The following KLHL18 variants were observed in gnomAD, a reference collection of about 807,000 sequenced individuals.
The protein encoded by KLHL18 is kelch like family member 18, also known as kelch-like protein 18.
In KLHL18, 38 loss-of-function variants were observed where a neutral mutation model predicts 58.5. That is an observed-to-expected ratio of 0.65 (90% CI 0.50 to 0.85). KLHL18 has a LOEUF of 0.85. KLHL18 is among the 40% of genes least tolerant of loss of function. KLHL18 has a pLI of 0.00. For missense variants in KLHL18, 624 were observed against 778.4 expected, an observed-to-expected ratio of 0.80 and a Z score of 2.36; for synonymous variants, 303 against 301.9, an observed-to-expected ratio of 1.00 and a Z score of -0.04.
intron 1 of KLHL18, among the ~76,000 whole-genome samples, chr3:47,311,813 AC>A (rs377653454): frequency 6.6e-6 from 1 of 152,330 alleles, no homozygotes; most frequent in East Asian, 1.9e-4. Context: ...CTTTTAATTT[AC>A]CAAACAAAGC....
At chr3:47,288,711 A>T (rs1047612087) in intron 1 of KLHL18, among the ~76,000 whole-genome samples, 4 of 152,224 alleles carry the variant, frequency 2.6e-5, no homozygotes, top group Non-Finnish European at 5.9e-5. Context: ...ATTTAAAAAA[A>T]ATCACATTCT....
chr3:47,329,234 G>GT (rs1395272803), intron 3 of KLHL18, among the ~76,000 whole-genome samples: 1 of 151,460 alleles, frequency 6.6e-6, no homozygotes, highest in Non-Finnish European at 1.5e-5. Context: ...TTTGTTTTTT[G>GT]TTTTTTGTTT....
intron 9 of KLHL18, 41 bp from the exon 10 acceptor site, chr3:47,343,514 C>A (rs756827899): frequency 4.3e-5 from 69 of 1,609,888 alleles, no homozygotes. Flanking sequence ...CTGAGCTTTG[C>A]CTCTGACTGT....
chr3:47,289,949 G>C (rs1702756807), intron 1 of KLHL18, among the ~76,000 whole-genome samples: 1 of 152,138 alleles, frequency 6.6e-6, no homozygotes, highest in African/African-American at 2.4e-5. Flanking sequence ...TAAAAGCCCA[G>C]ACTTCACCAC....
At chr3:47,318,704 A>G (rs1409603313) in intron 1 of KLHL18, among the ~76,000 whole-genome samples, 3 of 152,246 alleles carry the variant, frequency 2.0e-5, no homozygotes, top group Admixed American at 6.5e-5. Context: ...CGGGCAAGGA[A>G]TCAAGAAAAC....
At chr3:47,283,855 G>A (rs541735125) in intron 1 of KLHL18, among the ~76,000 whole-genome samples, 1 of 152,372 alleles carries the variant, frequency 6.6e-6, no homozygotes, top group African/African-American at 2.4e-5. Context: ...ACCGAACCAT[G>A]TGGAGACGTC....
At chr3:47,296,409 T>C (rs2107586972) in intron 1 of KLHL18, among the ~76,000 whole-genome samples, 1 of 152,354 alleles carries the variant, frequency 6.6e-6, no homozygotes, top group Middle Eastern at 3.4e-3. Flanking sequence ...TAAGTGCATT[T>C]ACCTGTGCTT....
chr3:47,336,387 A>G, intron 6 of KLHL18, 148 bp from the exon 7 acceptor site: 1 of 685,474 alleles, frequency 1.5e-6, no homozygotes. Flanking sequence ...CATGGCTGAA[A>G]TTTCTTAGTG....
chr3:47,289,698 G>T (rs1702750582), intron 1 of KLHL18, among the ~76,000 whole-genome samples: 1 of 152,190 alleles, frequency 6.6e-6, no homozygotes, highest in Non-Finnish European at 1.5e-5. Context: ...TGGGAGGATT[G>T]CTTGAGCCCA....
At chr3:47,298,353 T>TTAA (rs1553629791) in intron 1 of KLHL18, among the ~76,000 whole-genome samples, 4 of 118,520 alleles carry the variant, frequency 3.4e-5, no homozygotes, top group Admixed American at 2.7e-4. Flanking sequence ...ATCCTGTCTC[T>TTAA]AAAAAAAAAA....
chr3:47,335,469 T>C (rs1363859394), intron 6 of KLHL18, among the ~76,000 whole-genome samples: 1 of 152,186 alleles, frequency 6.6e-6, no homozygotes, highest in East Asian at 1.9e-4. Flanking sequence ...TTGGGGGCAG[T>C]TGGTGGGCAC....
chr3:47,295,911 C>G (rs147910286), intron 1 of KLHL18, among the ~76,000 whole-genome samples: 1 of 152,290 alleles, frequency 6.6e-6, no homozygotes, highest in Non-Finnish European at 1.5e-5. Context: ...TGCCCTCTTT[C>G]TTGTGCTCTG....
chr3:47,305,986 A>G (rs747524650), intron 1 of KLHL18, among the ~76,000 whole-genome samples: 8 of 151,824 alleles, frequency 5.3e-5, no homozygotes, highest in Non-Finnish European at 1.0e-4. Context: ...GTCTTTGTCA[A>G]TTTTATCAAT....
At chr3:47,333,469 A>G (rs1703915179) in intron 5 of KLHL18, 152 bp downstream of exon 5, 1 of 755,020 alleles carries the variant, frequency 1.3e-6, no homozygotes, top group East Asian at 2.8e-5. Flanking sequence ...TAGAAGCTGG[A>G]ACAGGAAGTG....
chr3:47,317,648 T>C (rs537235553), intron 1 of KLHL18, among the ~76,000 whole-genome samples: 2 of 152,132 alleles, frequency 1.3e-5, no homozygotes, highest in Non-Finnish European at 2.9e-5. Flanking sequence ...AAAGGAAATA[T>C]ATACTGACAG....
intron 1 of KLHL18, among the ~76,000 whole-genome samples, chr3:47,310,396 T>C (rs1411813822): frequency 6.6e-6 from 1 of 152,234 alleles, no homozygotes; most frequent in African/African-American, 2.4e-5. Context: ...GTGTCTTCTT[T>C]GCTGATAGAT....
chr3:47,285,830 T>C (rs1324241461), intron 1 of KLHL18, among the ~76,000 whole-genome samples: 1 of 152,132 alleles, frequency 6.6e-6, no homozygotes, highest in African/African-American at 2.4e-5. Flanking sequence ...GTGGATTGCA[T>C]TGAACTCAGG....
At chr3:47,283,662 C>G (rs1702551184) in intron 1 of KLHL18, among the ~76,000 whole-genome samples, 1 of 152,094 alleles carries the variant, frequency 6.6e-6, no homozygotes, top group Non-Finnish European at 1.5e-5. Context: ...CTCACCACCA[C>G]AAAGGTCCCC....
intron 1 of KLHL18, among the ~76,000 whole-genome samples, chr3:47,311,166 C>T (rs1413444614): frequency 3.3e-5 from 5 of 152,000 alleles, no homozygotes; most frequent in South Asian, 2.1e-4. Context: ...CCCACCGCTT[C>T]GCCCGGCTAA....
Sources: gnomAD v4.1 joint callset for allele counts (sites outside exome capture counted in the v4.1 genomes callset) on GRCh38, gnomAD v4.1.1 for gene constraint, MANE v1.5 for transcripts, NCBI Gene and HGNC (gene_info 2026-07-23, HGNC 2026-07-21) for gene names.